GBF1: variants seen among roughly 807,000 people sequenced by gnomAD.
GBF1 encodes Golgi-specific brefeldin A-resistance guanine nucleotide exchange factor 1.
In GBF1, 114 loss-of-function variants were observed where a neutral mutation model predicts 210.5. The ratio of observed to expected loss-of-function variants is 0.54; its 90% CI spans 0.47 to 0.63. The LOEUF (loss-of-function observed/expected upper bound fraction) is 0.63. Ranked by LOEUF, GBF1 falls within the 30% of genes least tolerant of loss-of-function variation. The pLI is 0.00. For missense variants in GBF1, 1,851 were observed against 2,357.7 expected (o/e 0.79, Z 4.45); for synonymous variants, 850 against 889.2 (o/e 0.96, Z 0.78).
At chr10:102,328,003 T>A (rs1474159476) in intron 3 of GBF1, among the ~76,000 whole-genome samples, 2 of 152,268 alleles carry the variant, frequency 1.3e-5, no homozygotes, top group Non-Finnish European at 2.9e-5. Context: ...AGGGTACTGC[T>A]GCTTCCATAA....
Position 102,360,322 on chromosome 10 carries a change from A to AGTCAGCCCCTGT in GBF1, c.1320_1331dup (p.Ser441_Val444dup). On this transcript the variant is annotated inframe_insertion, in exon 12 of 40. Transcript: ENST00000369983. ...CTGCATTTGCTGACAGTGGCCCTTG[A>AGTCAGCCCCTGT]GTCAGCCCCTGTAGCCCAGTGCCAG... The AGTCAGCCCCTGT allele has an allele frequency of 6.2e-7, 1 of 1,613,558 alleles. No individual in the cohort carries two copies. The highest frequency in any genetic ancestry group is 8.5e-7 in the Non-Finnish European group (1 of 1,179,478).
intron 3 of GBF1, among the ~76,000 whole-genome samples, chr10:102,335,347 C>A (rs1589678329): frequency 6.6e-6 from 1 of 152,168 alleles, no homozygotes; most frequent in Middle Eastern, 3.2e-3. Context: ...GGTTGACAGT[C>A]TTCCAGGGCG....
chr10:102,303,517 A>G (rs2077577146), intron 3 of GBF1, among the ~76,000 whole-genome samples: 1 of 152,214 alleles, frequency 6.6e-6, no homozygotes, highest in South Asian at 2.1e-4. Context: ...GAAAATCTTG[A>G]TGACTTTCTA....
chr10:102,275,233 A>C (rs1294735552), intron 3 of GBF1, among the ~76,000 whole-genome samples: 4 of 152,158 alleles, frequency 2.6e-5, no homozygotes, highest in Non-Finnish European at 5.9e-5. Context: ...AGGGTCTAAT[A>C]GTCCCAGTTC....
At position 102,274,745 on chromosome 10, in the gene GBF1, T is replaced by C. The variant is rs1218195418; in HGVS notation, c.163+14629T>C. 1.8e-4 allele frequency among the ~76,000 whole-genome samples: 23 copies of C among 126,236 alleles called. No homozygotes were observed. The Admixed American group carries it at 2.0e-3, about 11-fold the overall frequency. The allele number at this position is 126,236 out of a possible 152,430, so 82.8% of individuals were successfully genotyped here. A position where few individuals can be genotyped will look rare whatever the true frequency, so the allele number is the denominator to read the frequency against. On this transcript the variant is annotated intron_variant, in intron 3 of 39. Transcript: ENST00000369983. ...TTTTTTTTTTGAGAGGGAGTCTCACTCTGTCGCCCAGGCTGGAGTACAGTG... is the reference window on the plus strand; with the variant it reads ...TTTTTTTTTTGAGAGGGAGTCTCACCCTGTCGCCCAGGCTGGAGTACAGTG...
At position 102,376,279 on chromosome 10, in the gene GBF1, G is replaced by A; in HGVS notation, c.3894G>A (p.Gln1298=). The A allele has an allele frequency of 6.2e-7, 1 of 1,613,942 alleles. No individual in the cohort carries two copies. Among genetic ancestry groups the A allele is most frequent in the South Asian group, 1.1e-5 (1 of 91,062 alleles). ...TCTCCCTGCCTACCATAGGGGCCCA[G>A]TCAGATAGTGAGCTCCCATCCTACC... is the stretch of plus-strand genomic sequence containing the variant. The part of the protein sequence containing the change: ...ARADAPDAGA[Q]SDSELPSYHQ... The change falls in exon 31 of 40, where the codon CAG becomes CAA. Residue 1298 remains glutamine, a synonymous_variant. Coordinates refer to ENST00000369983, the MANE Select transcript of GBF1 (RefSeq NM_001377137.1).
In GBF1 at chr10:102,299,807, A is replaced by T. The variant is rs151107620; in HGVS notation, c.163+39691A>T. Reference sequence around the variant, plus strand: ...CCCAAAAAAATTAAAAAATAAATGTAAAAAATGGGGCAGTAACAAAACCTA... The same window carrying T: ...CCCAAAAAAATTAAAAAATAAATGTTAAAAATGGGGCAGTAACAAAACCTA... On this transcript the variant is annotated intron_variant, in intron 3 of 39. Transcript: ENST00000369983. 1.8e-3 allele frequency among the ~76,000 whole-genome samples: 274 copies of T among 152,294 alleles called. 1 individual carries two copies. Among genetic ancestry groups the T allele is most frequent in the African/African-American group, 5.9e-3 (246 of 41,560 alleles).
rs777280189 is a variant in GBF1, at chr10:102,259,011, C to T, written c.73C>T (p.Arg25Ter). 13 of 1,586,766 alleles carry T rather than the reference C, an allele frequency of 8.2e-6. No homozygotes were observed. Among genetic ancestry groups the T allele is most frequent in the East Asian group, 2.2e-5 (1 of 44,770 alleles). ...IVVGAIKRNA[R>*]WSTHTPLDEE... ...GGTTGGGGCCATCAAACGAAATGCC[C>T]GATGGAGCACCCATACACCACTGGT... Residue 25 changes from arginine (R) to a stop codon, truncating the protein, a stop_gained, in exon 2 of 40, where the codon CGA becomes TGA. Coordinates refer to ENST00000369983, the MANE Select transcript of GBF1 (RefSeq NM_001377137.1). LOFTEE classifies it high-confidence loss of function.
At position 102,363,555 on chromosome 10, in the gene GBF1, T is replaced by C. The variant is rs2059734567; in HGVS notation, c.2018-155T>C. 6.6e-6 allele frequency among the ~76,000 whole-genome samples: 1 copy of C among 152,076 alleles called. No homozygotes were observed. Among genetic ancestry groups the C allele is most frequent in the South Asian group, 2.1e-4 (1 of 4,820 alleles). ...GGGAAGCAAACATATGGACCCTCAGTTGATAGGACTTCCAGGGAAGTGGAA... is the reference window on the plus strand; with the variant it reads ...GGGAAGCAAACATATGGACCCTCAGCTGATAGGACTTCCAGGGAAGTGGAA... On this transcript the variant is annotated intron_variant, in intron 16 of 39. Coordinates refer to ENST00000369983, the MANE Select transcript of GBF1 (RefSeq NM_001377137.1). This position sits in a 1 kb window ranked among gnomAD's most constrained non-coding sequence, Gnocchi z 4.2.
chr10:102,230,804 C>A, the GBF1 span: 8 of 1,554,384 alleles, frequency 5.1e-6, no homozygotes, highest in South Asian at 1.2e-5. Flanking sequence ...GGCACGGTGC[C>A]CGGGGCAGCC....
intron 3 of GBF1, among the ~76,000 whole-genome samples, chr10:102,295,111 T>G (rs1324030404): frequency 6.6e-6 from 1 of 152,232 alleles, no homozygotes; most frequent in East Asian, 1.9e-4. Flanking sequence ...TATTGCTGCT[T>G]CTTAGTTTTT....
intron 3 of GBF1, among the ~76,000 whole-genome samples, chr10:102,285,237 G>A (rs1424574859): frequency 5.3e-5 from 8 of 152,164 alleles, no homozygotes; most frequent in Non-Finnish European, 1.2e-4. Context: ...GTAGATGATG[G>A]TATTTCTGGT....
At position 102,380,462 on chromosome 10, in the gene GBF1, C is replaced by T. The variant is rs776344976; in HGVS notation, c.4993-44C>T. 4.4e-6 allele frequency: 7 copies of T among 1,597,738 alleles called. No individual in the cohort carries two copies. In the African/African-American group the frequency reaches 6.7e-5, roughly 15 times the overall value. On this transcript the variant is annotated intron_variant, in intron 37 of 39. Coordinates refer to ENST00000369983, the MANE Select transcript of GBF1 (RefSeq NM_001377137.1). ...GCTACCTCCCTTTACCATACTCCCC[C>T]CATGCCCTCTTTCCTATTCTCATGG...
At chr10:102,333,520 G>A (rs2057492180) in intron 3 of GBF1, among the ~76,000 whole-genome samples, 2 of 151,008 alleles carry the variant, frequency 1.3e-5, no homozygotes, top group South Asian at 4.2e-4. Flanking sequence ...GCTCAGGGTA[G>A]AATGCAATGG....
chr10:102,357,043 T>C (rs1174276763), intron 8 of GBF1, among the ~76,000 whole-genome samples: 6 of 152,228 alleles, frequency 3.9e-5, no homozygotes, highest in Admixed American at 6.5e-5. Flanking sequence ...GGTAGTCTCA[T>C]TGATATAACA....
chr10:102,382,748 ATTAG>A lies in GBF1; in HGVS notation c.*415_*418del, dbSNP rs2060926425. The stretch of plus-strand genomic sequence containing the variant: ...TCCTCCAGTTCTTCCTCTTTTACTA[ATTAG>A]TTGGTCAGTTTGGAGAGTTGACTGG... On this transcript the variant is annotated 3_prime_UTR_variant, in exon 40 of 40. Coordinates refer to ENST00000369983, the MANE Select transcript of GBF1 (RefSeq NM_001377137.1). 1 of 175,292 alleles carries A rather than the reference ATTAG, an allele frequency of 5.7e-6. No homozygotes were observed. Among genetic ancestry groups the A allele is most frequent in the Admixed American group, 6.0e-5 (1 of 16,722 alleles). The allele number at this position is 175,292 out of a possible 1,614,324, so 10.9% of individuals were successfully genotyped here.
chr10:102,231,436 G>A, the GBF1 span: 1 of 631,902 alleles, frequency 1.6e-6, no homozygotes, highest in East Asian at 2.7e-5. Flanking sequence ...AGGTTGGCGG[G>A]CAAGAGACCG....
At chr10:102,371,798 A>G (rs1191211819) in intron 29 of GBF1, among the ~76,000 whole-genome samples, 2 of 152,058 alleles carry the variant, frequency 1.3e-5, no homozygotes, top group Non-Finnish European at 2.9e-5. Flanking sequence ...GTGTGGTGGC[A>G]CACACCTGTA....
At chr10:102,278,798 T>C (rs2075229919) in intron 3 of GBF1, among the ~76,000 whole-genome samples, 1 of 152,226 alleles carries the variant, frequency 6.6e-6, no homozygotes, top group Non-Finnish European at 1.5e-5. Context: ...GAATCTGTAA[T>C]ATATACCACT....
Sources: gnomAD v4.1 joint callset for allele counts (sites outside exome capture counted in the v4.1 genomes callset) on GRCh38, gnomAD v4.1.1 for gene constraint, Gnocchi (gnomAD v3.1) non-coding constraint, MANE v1.5 for transcripts, NCBI Gene and HGNC (gene_info 2026-07-23, HGNC 2026-07-21) for gene names.